Variants in MAP4K5 observed in about 807,000 individuals in gnomAD.
The protein encoded by MAP4K5 is mitogen-activated protein kinase kinase kinase kinase 5, also known as MAPK/ERK kinase kinase kinase 5.
In MAP4K5, 82 loss-of-function variants were observed where a neutral mutation model predicts 135.6. The observed-to-expected ratio is 0.60, with a 90% CI of 0.51 to 0.73. The LOEUF (loss-of-function observed/expected upper bound fraction) is 0.73, where lower values mean the gene tolerates loss of function less well. Ranked by LOEUF, MAP4K5 falls within the 30% of genes least tolerant of loss-of-function variation. The probability of loss-of-function intolerance (pLI) is 0.00; values close to 1 mark genes in which losing one functional copy is unlikely to be tolerated. For missense variants in MAP4K5, 907 were observed against 1,010.9 expected (o/e 0.90, Z 1.39); for synonymous variants, 347 against 335.0 (o/e 1.04, Z -0.39).
chr14:50,467,519 T>C (rs142437565), intron 10 of MAP4K5, among the ~76,000 whole-genome samples: 4 of 152,200 alleles, frequency 2.6e-5, no homozygotes, highest in Admixed American at 2.0e-4. Flanking sequence ...TTTTCCATTT[T>C]GCTTTGGTTC....
chr14:50,476,336 G>A (rs2139877020), intron 6 of MAP4K5, 30 bp from the exon 7 acceptor site: 5 of 1,052,550 alleles, frequency 4.8e-6, no homozygotes, highest in Non-Finnish European at 6.6e-6. Flanking sequence ...AAAAAAGAAT[G>A]TATCAGCAAA....
chr14:50,493,967 GAC>G (rs1368033010), intron 3 of MAP4K5, among the ~76,000 whole-genome samples: 1 of 149,950 alleles, frequency 6.7e-6, no homozygotes, highest in African/African-American at 2.5e-5. Flanking sequence ...CAGCCTGGGC[GAC>G]AGAGTGAGAA....
intron 1 of MAP4K5, among the ~76,000 whole-genome samples, chr14:50,552,250 C>T (rs2038711768): frequency 1.3e-5 from 2 of 150,656 alleles, no homozygotes; most frequent in South Asian, 4.3e-4. Flanking sequence ...GTACTCAATC[C>T]CTTTTACAAC....
chr14:50,443,517 C>T (rs981008545), intron 20 of MAP4K5, among the ~76,000 whole-genome samples: 1 of 152,188 alleles, frequency 6.6e-6, no homozygotes, highest in Non-Finnish European at 1.5e-5. Flanking sequence ...AATCTGATGA[C>T]TCAACTGCCA....
At chr14:50,490,126 TGA>T (rs1373190945) in intron 3 of MAP4K5, among the ~76,000 whole-genome samples, 1 of 79,756 alleles carries the variant, frequency 1.3e-5, no homozygotes, top group African/African-American at 5.7e-5. Context: ...AGAGAGCGAG[TGA>T]GAGTGTGTGT....
At chr14:50,500,714 G>A (rs903649834) in intron 3 of MAP4K5, among the ~76,000 whole-genome samples, 1 of 152,116 alleles carries the variant, frequency 6.6e-6, no homozygotes, top group African/African-American at 2.4e-5. Context: ...GGGTGGAGAT[G>A]GGTAACAAAG....
intron 23 of MAP4K5, 109 bp downstream of exon 23, chr14:50,439,904 A>G (rs1482089824): frequency 6.3e-5 from 70 of 1,117,410 alleles, no homozygotes; most frequent in Non-Finnish European, 8.1e-5. Flanking sequence ...CAGAGTTACT[A>G]TATTAGATTA....
intron 3 of MAP4K5, among the ~76,000 whole-genome samples, chr14:50,497,308 T>C (rs1188358420): frequency 1.3e-5 from 2 of 152,246 alleles, no homozygotes; most frequent in African/African-American, 4.8e-5. Context: ...GTATCTATTA[T>C]TTAAAACCAA....
chr14:50,548,387 A>G (rs1411619783), intron 1 of MAP4K5, among the ~76,000 whole-genome samples: 1 of 152,202 alleles, frequency 6.6e-6, no homozygotes, highest in Non-Finnish European at 1.5e-5. Context: ...AAGCCCAAGC[A>G]CTAGAGGTCC....
At chr14:50,427,552 A>G (rs1164548088) in intron 30 of MAP4K5, among the ~76,000 whole-genome samples, 2 of 152,202 alleles carry the variant, frequency 1.3e-5, no homozygotes, top group African/African-American at 4.8e-5. Context: ...GTTTTTAAAA[A>G]TATGTAATTA....
chr14:50,429,046 A>T (rs182422861), intron 29 of MAP4K5, 146 bp downstream of exon 29: 1 of 586,112 alleles, frequency 1.7e-6, no homozygotes, highest in East Asian at 2.9e-5. Context: ...TTTAGCCATA[A>T]GAGGTGATTT....
intron 1 of MAP4K5, among the ~76,000 whole-genome samples, chr14:50,543,235 A>G (rs540548233): frequency 6.6e-6 from 1 of 152,346 alleles, no homozygotes; most frequent in East Asian, 1.9e-4. Flanking sequence ...AGTTACTGCC[A>G]CTATGGAGTG....
At chr14:50,541,041 T>G (rs535802222) in intron 2 of MAP4K5, among the ~76,000 whole-genome samples, 62 of 152,358 alleles carry the variant, frequency 4.1e-4, no homozygotes, top group African/African-American at 1.4e-3. Context: ...GGATCTTTAC[T>G]AGAGCAAATC....
intron 9 of MAP4K5, among the ~76,000 whole-genome samples, chr14:50,470,653 TACAC>T (rs59377868): frequency 0.065 from 9,720 of 149,108 alleles, 391 homozygotes; most frequent in African/African-American, 0.11. Flanking sequence ...CATCCATTTT[TACAC>T]ACACACACAC....
chr14:50,536,410 T>C (rs1351204638), upstream of MAP4K5, among the ~76,000 whole-genome samples: 1 of 140,052 alleles, frequency 7.1e-6, no homozygotes. Context: ...CACTCCAGCC[T>C]GGGCAACAAG....
intron 2 of MAP4K5, among the ~76,000 whole-genome samples, chr14:50,518,696 C>T (rs865855952): frequency 2.0e-5 from 3 of 152,154 alleles, no homozygotes; most frequent in East Asian, 3.8e-4. Flanking sequence ...TCAGGTCTTC[C>T]GCCCAATCTA....
chr14:50,525,672 C>A (rs185302604), intron 2 of MAP4K5, among the ~76,000 whole-genome samples: 1 of 151,882 alleles, frequency 6.6e-6, no homozygotes, highest in Non-Finnish European at 1.5e-5. Context: ...CCCACCTTTA[C>A]AAAAAAATAA....
intron 14 of MAP4K5, among the ~76,000 whole-genome samples, chr14:50,451,966 T>C (rs1419002302): frequency 1.3e-5 from 2 of 152,184 alleles, no homozygotes; most frequent in African/African-American, 2.4e-5. Flanking sequence ...AAAAGTGATA[T>C]GCATTCAGTA....
chr14:50,448,177 G>C (rs1005194690), intron 15 of MAP4K5, among the ~76,000 whole-genome samples: 1 of 152,026 alleles, frequency 6.6e-6, no homozygotes, highest in African/African-American at 2.4e-5. Context: ...ACCACGCCTG[G>C]CTGATTTTTG....
Sources: gnomAD v4.1 joint callset for allele counts (sites outside exome capture counted in the v4.1 genomes callset) on GRCh38, gnomAD v4.1.1 for gene constraint, MANE v1.5 for transcripts, NCBI Gene and HGNC (gene_info 2026-07-23, HGNC 2026-07-21) for gene names.